The following COG5 variants were observed in gnomAD, a reference collection of about 807,000 sequenced individuals.
COG5 encodes component of oligomeric golgi complex 5, also known as conserved oligomeric Golgi complex subunit 5.
COG5 carries 86 observed loss-of-function variants against 110.4 expected under a neutral mutation model. The observed-to-expected ratio is 0.78, with a 90% CI of 0.65 to 0.93. The LOEUF is 0.93. Among genes scored for constraint, COG5 ranks in the 40% least tolerant of loss-of-function variants. The pLI, the probability that COG5 is intolerant of heterozygous loss-of-function variation, is 0.00. For synonymous variants in COG5, 360 were observed against 334.6 expected, an observed-to-expected ratio of 1.08 and a Z score of -0.83; for missense variants, 1,077 against 987.0, an observed-to-expected ratio of 1.09 and a Z score of -1.22.
At chr7:107,273,846 T>C (rs10228388) in intron 14 of COG5, among the ~76,000 whole-genome samples, 21,760 of 151,814 alleles carry the variant, frequency 0.14, 2,338 homozygotes, top group African/African-American at 0.3. Flanking sequence ...GATAAAAAAA[T>C]AGAAAAGGGA....
intron 13 of COG5, 42 bp from the exon 14 acceptor site, chr7:107,281,441 T>C (rs746959990): frequency 4.4e-6 from 6 of 1,368,178 alleles, no homozygotes; most frequent in East Asian, 2.3e-5. Flanking sequence ...AGCAACATCA[T>C]TCATCAACAA....
intron 6 of COG5, among the ~76,000 whole-genome samples, chr7:107,511,140 A>G (rs1365961870): frequency 6.6e-6 from 1 of 150,780 alleles, no homozygotes; most frequent in African/African-American, 2.4e-5. Context: ...AAACTGATAG[A>G]CTGCTAGCAA....
At chr7:107,403,789 T>G (rs958053719) in intron 7 of COG5, among the ~76,000 whole-genome samples, 1 of 152,066 alleles carries the variant, frequency 6.6e-6, no homozygotes, top group South Asian at 2.1e-4. Context: ...AATAACATAA[T>G]TTTGGCGGTT....
chr7:107,431,287 T>A (rs1794010878), intron 6 of COG5, among the ~76,000 whole-genome samples: 1 of 152,182 alleles, frequency 6.6e-6, no homozygotes, highest in Non-Finnish European at 1.5e-5. Flanking sequence ...TAAAAAAGAA[T>A]GAAATTTGAA....
At chr7:107,406,363 A>C (rs979393606) in intron 7 of COG5, among the ~76,000 whole-genome samples, 1 of 152,186 alleles carries the variant, frequency 6.6e-6, no homozygotes, top group Non-Finnish European at 1.5e-5. Context: ...GAAATAGGCC[A>C]CTGGTTAAAT....
intron 6 of COG5, among the ~76,000 whole-genome samples, chr7:107,477,484 G>A (rs938235302): frequency 2.0e-5 from 3 of 151,526 alleles, no homozygotes; most frequent in Non-Finnish European, 3.0e-5. Context: ...TCTGTAATAA[G>A]AAATTAAATA....
intron 11 of COG5, among the ~76,000 whole-genome samples, chr7:107,301,383 A>G (rs1807256393): frequency 6.6e-6 from 1 of 152,206 alleles, no homozygotes; most frequent in South Asian, 2.1e-4. Flanking sequence ...TCTAAAACAC[A>G]TAAAGAACTC....
intron 11 of COG5, among the ~76,000 whole-genome samples, chr7:107,311,293 G>C (rs1584659967): frequency 6.8e-6 from 1 of 146,210 alleles, no homozygotes; most frequent in East Asian, 2.1e-4. Context: ...ATTTTTTGCT[G>C]ATTTGATAGA....
At chr7:107,326,462 C>G (rs1024542244) in intron 10 of COG5, among the ~76,000 whole-genome samples, 2 of 151,886 alleles carry the variant, frequency 1.3e-5, no homozygotes, top group Admixed American at 6.6e-5. Flanking sequence ...AAGTTGTAGC[C>G]TACAAAATCA....
intron 6 of COG5, among the ~76,000 whole-genome samples, chr7:107,526,024 T>C (rs1484077299): frequency 1.3e-5 from 2 of 152,216 alleles, no homozygotes; most frequent in Non-Finnish European, 2.9e-5. Flanking sequence ...TTGTGAAGGA[T>C]TTCCTTGATT....
chr7:107,512,773 C>T (rs1452438711), intron 6 of COG5, among the ~76,000 whole-genome samples: 4 of 152,068 alleles, frequency 2.6e-5, no homozygotes, highest in Non-Finnish European at 4.4e-5. Flanking sequence ...CTTTGACAAA[C>T]CTGACAAAAA....
rs569040915 is a variant in COG5, at chr7:107,439,360, G to C, written c.539-26728C>G. Among the ~76,000 whole-genome samples, 8 of 152,116 alleles carry C rather than the reference G, an allele frequency of 5.3e-5. No individual in the cohort carries two copies. In the East Asian group the frequency reaches 1.5e-3, roughly 29 times the overall value. ...CTGCACTTTACAGGAAAATTCCTCA[G>C]GTAAGTTGTCAGTATTCTATTTGGA... On this transcript the variant is annotated intron_variant, in intron 6 of 21. Coordinates refer to ENST00000297135, the MANE Select transcript of COG5 (RefSeq NM_006348.5).
At chr7:107,467,388 C>A (rs1796357238) in intron 6 of COG5, among the ~76,000 whole-genome samples, 1 of 152,134 alleles carries the variant, frequency 6.6e-6, no homozygotes, top group South Asian at 2.1e-4. Flanking sequence ...CCTAGTCTCA[C>A]CTTGTTGCCC....
intron 6 of COG5, among the ~76,000 whole-genome samples, chr7:107,526,582 C>G (rs1268400477): frequency 6.6e-6 from 1 of 152,124 alleles, no homozygotes; most frequent in Admixed American, 6.5e-5. Flanking sequence ...GAAAAGAAAA[C>G]TTCACATAAA....
intron 1 of COG5, among the ~76,000 whole-genome samples, chr7:107,562,533 T>C (rs999261797): frequency 6.6e-6 from 1 of 152,224 alleles, no homozygotes; most frequent in Non-Finnish European, 1.5e-5. Flanking sequence ...TCTACAAGAT[T>C]ATTTCCTCTA....
intron 14 of COG5, among the ~76,000 whole-genome samples, chr7:107,274,604 G>A (rs191716856): frequency 2.6e-5 from 4 of 152,124 alleles, no homozygotes; most frequent in Admixed American, 2.0e-4. Context: ...GCCTAGAACA[G>A]CAGCCAGCCA....
chr7:107,272,583 A>G (rs1490030881), intron 14 of COG5, among the ~76,000 whole-genome samples: 3 of 152,164 alleles, frequency 2.0e-5, no homozygotes, highest in Non-Finnish European at 2.9e-5. Flanking sequence ...ATTTTGAGAA[A>G]TATTTTTGTT....
At position 107,548,306 on chromosome 7, in the gene COG5, T is replaced by C. The variant is rs1329555726; in HGVS notation, c.319A>G (p.Ile107Val). ...TCAACAGCTCCCTGTAAAGCCCCAA[T>C]TCTCGTCTGCATCATCTGAAGAACA... ...EGVLQMMQTR[I>V]GALQGAVDRI... is the part of the protein sequence containing the mutation. The change falls in exon 4 of 22, where the codon ATT becomes GTT. Residue 107 changes from isoleucine (I) to valine (V), a missense_variant. Coordinates refer to ENST00000297135, the MANE Select transcript of COG5 (RefSeq NM_006348.5). 6.2e-6 allele frequency: 10 copies of C among 1,613,924 alleles called. No homozygotes were observed. The highest frequency in any genetic ancestry group is 8.5e-6 in the Non-Finnish European group (10 of 1,179,818).
At chr7:107,395,716 G>A (rs1790952049) in intron 7 of COG5, among the ~76,000 whole-genome samples, 1 of 151,754 alleles carries the variant, frequency 6.6e-6, no homozygotes. Context: ...CACCACGCCT[G>A]GCTAATCTTT....
Sources: allele counts gnomAD v4.1 joint callset (sites outside exome capture counted in the v4.1 genomes callset), GRCh38; gene constraint gnomAD v4.1.1; transcripts MANE v1.5; gene names NCBI Gene and HGNC (gene_info 2026-07-23, HGNC 2026-07-21).